The following TENM3 variants were observed in gnomAD, a reference collection of about 807,000 sequenced individuals.
TENM3 encodes the protein teneurin transmembrane protein 3, also known as teneurin-3.
Under a neutral mutation model 255.1 loss-of-function variants are expected in TENM3, and 63 were observed. The observed-to-expected ratio is 0.25, with a 90% CI of 0.20 to 0.30. The LOEUF (loss-of-function observed/expected upper bound fraction) is 0.30. Ranked by LOEUF, TENM3 falls within the 10% of genes least tolerant of loss-of-function variation. The pLI, the probability that TENM3 is intolerant of heterozygous loss-of-function variation, is 1.00. For synonymous variants in TENM3, 1,306 were observed against 1,322.3 expected (o/e 0.99, Z 0.27); for missense variants, 2,929 against 3,461.1 (o/e 0.85, Z 3.86).
At position 182,368,821 on chromosome 4, in the gene TENM3, T is replaced by A. The variant is rs28475484; in HGVS notation, c.511+21892T>A. On this transcript the variant is annotated intron_variant, in intron 3 of 27. Transcript: ENST00000511685. ...TACGGCATGTGCAGCCCATCTGTAG[T>A]TGACAGCTGTCAGGCAAGATTCTCT... Among the ~76,000 whole-genome samples, 1,309 of 152,306 alleles carry A rather than the reference T, an allele frequency of 8.6e-3. 19 individuals are homozygous for A. Among genetic ancestry groups the A allele is most frequent in the African/African-American group, 0.03 (1,253 of 41,548 alleles).
chr4:182,257,379 A>G (rs1165698885), intron 1 of TENM3, among the ~76,000 whole-genome samples: 1 of 152,164 alleles, frequency 6.6e-6, no homozygotes, highest in Non-Finnish European at 1.5e-5. Context: ...AGGCCCACCT[A>G]TGGATCTGAT....
chr4:182,093,245 A>G, the TENM3 span, among the ~76,000 whole-genome samples: 1 of 152,086 alleles, frequency 6.6e-6, no homozygotes, highest in East Asian at 1.9e-4. Flanking sequence ...ATGGGATCTC[A>G]CTCTGGACTT....
chr4:182,742,157 T>C (rs902522488), intron 18 of TENM3, among the ~76,000 whole-genome samples: 1 of 152,234 alleles, frequency 6.6e-6, no homozygotes, highest in African/African-American at 2.4e-5. Context: ...GACTACCCCG[T>C]GTGCATCACG....
the TENM3 span, among the ~76,000 whole-genome samples, chr4:182,016,748 A>G: frequency 6.6e-6 from 1 of 152,198 alleles, no homozygotes; most frequent in Non-Finnish European, 1.5e-5. Flanking sequence ...AACATAGGCC[A>G]TTAACATATA....
chr4:182,514,161 C>T (rs1262249359), intron 3 of TENM3, among the ~76,000 whole-genome samples: 2 of 152,184 alleles, frequency 1.3e-5, no homozygotes, highest in Non-Finnish European at 2.9e-5. Flanking sequence ...CTTACTACAC[C>T]TCAGAGCTTC....
At chr4:182,275,890 A>G (rs1483422751) in intron 1 of TENM3, among the ~76,000 whole-genome samples, 1 of 152,228 alleles carries the variant, frequency 6.6e-6, no homozygotes, top group Non-Finnish European at 1.5e-5. Context: ...GCAGTGAGCC[A>G]TGATCATGCC....
At chr4:182,610,475 G>A (rs1748883240) in intron 4 of TENM3, among the ~76,000 whole-genome samples, 1 of 152,176 alleles carries the variant, frequency 6.6e-6, no homozygotes, top group Non-Finnish European at 1.5e-5. Flanking sequence ...AAGGCCAGGA[G>A]TTCAAGGTCA....
the TENM3 span, among the ~76,000 whole-genome samples, chr4:181,986,092 C>T: frequency 1.3e-5 from 2 of 152,068 alleles, no homozygotes; most frequent in Non-Finnish European, 2.9e-5. Flanking sequence ...GTTTCCGTTT[C>T]TATTAACTGC....
intron 22 of TENM3, among the ~76,000 whole-genome samples, chr4:182,759,214 C>T (rs1367548744): frequency 6.6e-6 from 1 of 152,162 alleles, no homozygotes; most frequent in Non-Finnish European, 1.5e-5. Flanking sequence ...AATGCAAACT[C>T]CCATTATCTT....
chr4:181,826,357 C>T, the TENM3 span, among the ~76,000 whole-genome samples: 1 of 152,164 alleles, frequency 6.6e-6, no homozygotes, highest in Non-Finnish European at 1.5e-5. Context: ...TGTTAATTTT[C>T]TGGTCATCAG....
intron 22 of TENM3, among the ~76,000 whole-genome samples, chr4:182,767,659 T>C (rs954411196): frequency 2.0e-5 from 3 of 152,136 alleles, no homozygotes; most frequent in Non-Finnish European, 4.4e-5. Flanking sequence ...ATCACACACA[T>C]ACACATTATA....
At chr4:181,733,656 T>G in the TENM3 span, among the ~76,000 whole-genome samples, 1 of 152,120 alleles carries the variant, frequency 6.6e-6, no homozygotes, top group African/African-American at 2.4e-5. Flanking sequence ...AAAGACTGAG[T>G]ATCCAAGTAT....
At chr4:182,785,886 C>G (rs1019543912) in intron 24 of TENM3, among the ~76,000 whole-genome samples, 7 of 151,892 alleles carry the variant, frequency 4.6e-5, no homozygotes, top group Non-Finnish European at 1.0e-4. Flanking sequence ...GTTCACAACA[C>G]CCAAAGGAGA....
the TENM3 span, among the ~76,000 whole-genome samples, chr4:181,748,322 T>G: frequency 6.6e-6 from 1 of 152,104 alleles, no homozygotes; most frequent in Admixed American, 6.6e-5. Flanking sequence ...CGGTAGAATT[T>G]AAAGGTCTTC....
chr4:181,589,265 C>A, the TENM3 span, among the ~76,000 whole-genome samples: 1 of 152,120 alleles, frequency 6.6e-6, no homozygotes, highest in Non-Finnish European at 1.5e-5. Flanking sequence ...TAAACACATA[C>A]GTTTTTATTT....
At chr4:181,604,277 G>A in the TENM3 span, among the ~76,000 whole-genome samples, 98 of 152,126 alleles carry the variant, frequency 6.4e-4, no homozygotes, top group African/African-American at 2.3e-3. Flanking sequence ...AAAAAGAAAA[G>A]AAAAGAAAGA....
the TENM3 span, among the ~76,000 whole-genome samples, chr4:181,772,328 A>AG: frequency 6.6e-6 from 1 of 152,042 alleles, no homozygotes; most frequent in Non-Finnish European, 1.5e-5. Flanking sequence ...CAGTGAGCTG[A>AG]GATCAGGCCA....
intron 6 of TENM3, among the ~76,000 whole-genome samples, chr4:182,669,090 A>C (rs552224722): frequency 1.4e-4 from 21 of 152,264 alleles, no homozygotes; most frequent in African/African-American, 4.8e-4. Context: ...CTACATATAA[A>C]CTATGTTCAT....
chr4:182,425,133 CTT>C (rs1771108242), intron 3 of TENM3, among the ~76,000 whole-genome samples: 1 of 152,180 alleles, frequency 6.6e-6, no homozygotes, highest in South Asian at 2.1e-4. Flanking sequence ...TTCATTAACT[CTT>C]TACTTTTCAC....
Sources: allele counts gnomAD v4.1 joint callset (sites outside exome capture counted in the v4.1 genomes callset), GRCh38; gene constraint gnomAD v4.1.1; transcripts MANE v1.5; gene names NCBI Gene and HGNC (gene_info 2026-07-23, HGNC 2026-07-21).